The following MRE11 variants were observed in gnomAD, a reference collection of about 807,000 sequenced individuals.
MRE11 encodes double-strand break repair protein MRE11.
A neutral mutation model predicts 91.7 loss-of-function variants in MRE11; 62 were observed. The ratio of observed to expected loss-of-function variants is 0.68; its 90% CI spans 0.55 to 0.84. The LOEUF (loss-of-function observed/expected upper bound fraction) is 0.84, where lower values mean the gene tolerates loss of function less well. Ranked by LOEUF, MRE11 falls within the 40% of genes least tolerant of loss-of-function variation. The pLI, the probability that MRE11 is intolerant of heterozygous loss-of-function variation, is 0.00. For synonymous variants in MRE11, 273 were observed against 271.4 expected, an observed-to-expected ratio of 1.01 and a Z score of -0.06; for missense variants, 796 against 852.9, an observed-to-expected ratio of 0.93 and a Z score of 0.83.
upstream of MRE11, chr11:94,498,340 C>T (rs774153654): frequency 1.1e-5 from 18 of 1,613,608 alleles, no homozygotes; most frequent in East Asian, 1.1e-4. Flanking sequence ...GCCTCTTGAC[C>T]CCCTTGCATC....
chr11:94,490,704 G>C, intron 3 of MRE11, 129 bp downstream of exon 3: 1 of 1,044,476 alleles, frequency 9.6e-7, no homozygotes, highest in South Asian at 1.3e-5. Context: ...TGAGCTTTCA[G>C]TATATTGATA....
Position 94,491,065 on chromosome 11 carries a change from A to T in MRE11, c.21-100T>A, listed in dbSNP as rs104895020. Reference sequence around the variant, plus strand: ...TTATAAAATAAATAATAACAGTTATAGAGTAAAATCATTTTTTTTAGCCTT... The same window carrying T: ...TTATAAAATAAATAATAACAGTTATTGAGTAAAATCATTTTTTTTAGCCTT... On this transcript the variant is annotated intron_variant, in intron 2 of 19. Coordinates refer to ENST00000323929, the MANE Select transcript of MRE11 (RefSeq NM_005591.4). 2,264 of 787,282 alleles carry T rather than the reference A, an allele frequency of 2.9e-3. 5 individuals carry two copies. The highest frequency in any genetic ancestry group is 4.0e-3 in the Non-Finnish European group (2,012 of 498,046). The allele number at this position is 787,282 out of a possible 1,614,324, so 48.8% of individuals were successfully genotyped here.
intron 4 of MRE11, chr11:94,483,751 G>T (rs1298528959): frequency 2.6e-5 from 4 of 153,228 alleles, no homozygotes; most frequent in Non-Finnish European, 5.8e-5. Context: ...GCTGAGGCAG[G>T]AAGATGGCTT....
chr11:94,475,462 C>A, intron 7 of MRE11: 1 of 383,812 alleles, frequency 2.6e-6, no homozygotes, highest in Non-Finnish European at 5.2e-6. Flanking sequence ...ATAATCAGGC[C>A]CCAAATCCTT....
chr11:94,457,262 C>T (rs1345368339), intron 13 of MRE11, among the ~76,000 whole-genome samples: 1 of 152,288 alleles, frequency 6.6e-6, no homozygotes, highest in African/African-American at 2.4e-5. Flanking sequence ...CAATGGCAGT[C>T]ACTGGTGATC....
the MRE11 span, among the ~76,000 whole-genome samples, chr11:94,500,451 G>A: frequency 6.6e-6 from 1 of 152,180 alleles, no homozygotes; most frequent in African/African-American, 2.4e-5. Flanking sequence ...TGCACAGAAG[G>A]CAGTCACTAA....
chr11:94,489,742 C>T (rs1340214175), intron 3 of MRE11, among the ~76,000 whole-genome samples: 1 of 152,116 alleles, frequency 6.6e-6, no homozygotes, highest in Admixed American at 6.5e-5. Flanking sequence ...ATTTATTCTC[C>T]AACTCTCTCC....
chr11:94,456,352 G>C lies in MRE11; in HGVS notation c.1501-14C>G. 3 of 1,601,360 alleles carry C rather than the reference G, an allele frequency of 1.9e-6. No homozygotes were observed. The highest frequency in any genetic ancestry group is 2.6e-6 in the Non-Finnish European group (3 of 1,168,956). On this transcript the variant is annotated splice_polypyrimidine_tract_variant and intron_variant, in intron 13 of 19. Coordinates refer to ENST00000323929, the MANE Select transcript of MRE11 (RefSeq NM_005591.4). ...GAAACGACGTACCTAGATCATAACA[G>C]AGTAAATCACAAACATGTTGCCTAT...
At chr11:94,430,081 G>T in intron 18 of MRE11, 95 bp from the exon 19 acceptor site, 2 of 1,133,628 alleles carry the variant, frequency 1.8e-6, no homozygotes, top group Non-Finnish European at 2.7e-6. Context: ...CAGCTGCCAC[G>T]AATATAAATA....
Position 94,428,758 on chromosome 11 carries a change from G to A in MRE11, c.2070+1153C>T, listed in dbSNP as rs1008604409. 6.6e-5 allele frequency among the ~76,000 whole-genome samples: 10 copies of A among 152,198 alleles called. No individual in the cohort carries two copies. The South Asian group carries it at 2.1e-3, about 32-fold the overall frequency. ...CGCACCTGTAATCCCAGCTACTCGGGAGGCTGAGGCAGGAGAATCGCTTGA... is the reference window on the plus strand; with the variant it reads ...CGCACCTGTAATCCCAGCTACTCGGAAGGCTGAGGCAGGAGAATCGCTTGA... On this transcript the variant is annotated intron_variant, in intron 19 of 19. Transcript: ENST00000323929.
In MRE11 at chr11:94,490,969, T is replaced by G. The variant is rs1344459355; in HGVS notation, c.21-4A>C. ...TTTAAATGTGTTTTCATCATCACTA[T>G]ATTAAGAAAGAAGAAACATTTCAAT... On this transcript the variant is annotated splice_polypyrimidine_tract_variant and splice_region_variant and intron_variant, in intron 2 of 19. Coordinates refer to ENST00000323929, the MANE Select transcript of MRE11 (RefSeq NM_005591.4). The G allele has an allele frequency of 7.1e-7, 1 of 1,403,678 alleles. No homozygotes were observed. The highest frequency in any genetic ancestry group is 1.0e-6 in the Non-Finnish European group (1 of 994,944). The allele number at this position is 1,403,678 out of a possible 1,614,324, so 87.0% of individuals were successfully genotyped here.
chr11:94,423,375 G>A (rs1188324382), intron 19 of MRE11, among the ~76,000 whole-genome samples: 1 of 152,094 alleles, frequency 6.6e-6, no homozygotes, highest in Non-Finnish European at 1.5e-5. Flanking sequence ...CTGGCAGGGG[G>A]ATTGGCCCAA....
chr11:94,488,052 G>C (rs1947186863), intron 3 of MRE11, among the ~76,000 whole-genome samples: 1 of 152,192 alleles, frequency 6.6e-6, no homozygotes, highest in East Asian at 1.9e-4. Flanking sequence ...TGGGGTTATG[G>C]GGGGTGGAAC....
At chr11:94,471,792 T>C (rs1458977635) in intron 7 of MRE11, 33 bp from the exon 8 acceptor site, 1 of 1,546,322 alleles carries the variant, frequency 6.5e-7, no homozygotes, top group East Asian at 2.3e-5. Flanking sequence ...ATAAATTCGG[T>C]GATTAGAAAA....
chr11:94,505,438 A>G, the MRE11 span, among the ~76,000 whole-genome samples: 1 of 152,198 alleles, frequency 6.6e-6, no homozygotes, highest in African/African-American at 2.4e-5. Context: ...AAAAAAGTTT[A>G]AAATTTAAAA....
chr11:94,463,592 T>C (rs1946478037), intron 11 of MRE11, among the ~76,000 whole-genome samples: 1 of 152,186 alleles, frequency 6.6e-6, no homozygotes, highest in Non-Finnish European at 1.5e-5. Context: ...TATGGAATAC[T>C]ATGCAGCCAT....
rs1349426601 is a variant in MRE11, at chr11:94,417,272, C to T, written c.*2853G>A. Reference sequence around the variant, plus strand: ...GATTAAAGGCATGAGCCACTGCACCCAGCCCATTGAGATACTTTTTTACTC... The same window carrying T: ...GATTAAAGGCATGAGCCACTGCACCTAGCCCATTGAGATACTTTTTTACTC... On this transcript the variant is annotated 3_prime_UTR_variant, in exon 20 of 20. Coordinates refer to ENST00000323929, the MANE Select transcript of MRE11 (RefSeq NM_005591.4). 1 of 195,546 alleles carries T rather than the reference C, an allele frequency of 5.1e-6. No individual in the cohort carries two copies. Among genetic ancestry groups the T allele is most frequent in the South Asian group, 1.9e-4 (1 of 5,222 alleles). 12.1% of individuals were successfully genotyped at this position (195,546 alleles called of 1,614,324 possible). A position where few individuals can be genotyped will look rare whatever the true frequency, so the allele number is the denominator to read the frequency against.
rs587780137 is a variant in MRE11, at chr11:94,445,834, A to G, written c.1843T>C (p.Ser615Pro). Residue 615 changes from serine (S) to proline (P), a missense_variant, in exon 16 of 20, where the codon TCT (serine) becomes CCT (proline). Ser to Pro is a moderately conservative substitution (Grantham distance 74, BLOSUM62 -1). Transcript: ENST00000323929. ...CCATCTATAATAGACATATTTCTAG[A>G]TGCTGACACAGCAGTCTTTGAGTTC... ...SRNSKTAVSA[S>P]RNMSIIDAFK... 1 of 1,613,430 alleles carries G rather than the reference A, an allele frequency of 6.2e-7. No individual in the cohort carries two copies. The highest frequency in any genetic ancestry group is 8.5e-7 in the Non-Finnish European group (1 of 1,179,374).
chr11:94,506,855 G>T, the MRE11 span, among the ~76,000 whole-genome samples: 3 of 152,092 alleles, frequency 2.0e-5, no homozygotes, highest in Admixed American at 2.0e-4. Flanking sequence ...CTCCAAAAGT[G>T]CTGGGATTAT....
Sources: allele counts gnomAD v4.1 joint callset (sites outside exome capture counted in the v4.1 genomes callset), GRCh38; gene constraint gnomAD v4.1.1; transcripts MANE v1.5; gene names NCBI Gene and HGNC (gene_info 2026-07-23, HGNC 2026-07-21).